MACROD2: variants seen among roughly 807,000 people sequenced by gnomAD.
MACROD2 encodes mono-ADP ribosylhydrolase 2, also known as ADP-ribose glycohydrolase MACROD2.
MACROD2 carries 36 observed loss-of-function variants against 70.4 expected under a neutral mutation model. That is an observed-to-expected ratio of 0.51 (90% CI 0.39 to 0.68). The LOEUF (loss-of-function observed/expected upper bound fraction) is 0.68, where lower values mean the gene tolerates loss of function less well. MACROD2 is among the 30% of genes least tolerant of loss of function. The probability of loss-of-function intolerance (pLI) is 0.00; values close to 1 mark genes in which losing one functional copy is unlikely to be tolerated. For synonymous variants in MACROD2, 172 were observed against 178.8 expected, an observed-to-expected ratio of 0.96 and a Z score of 0.30; for missense variants, 496 against 538.4, an observed-to-expected ratio of 0.92 and a Z score of 0.78.
At chr20:14,447,924 C>T (rs118108575) in intron 3 of MACROD2, among the ~76,000 whole-genome samples, 13 of 150,146 alleles carry the variant, frequency 8.7e-5, no homozygotes, top group African/African-American at 2.7e-4. Context: ...TCCATGTCAC[C>T]GGAGTTACAA....
intron 8 of MACROD2, among the ~76,000 whole-genome samples, chr20:15,537,862 T>C (rs942739787): frequency 5.3e-5 from 8 of 152,324 alleles, no homozygotes; most frequent in Admixed American, 2.0e-4. Context: ...CCCAGTCATA[T>C]GCTTTCAAGG....
intron 3 of MACROD2, among the ~76,000 whole-genome samples, chr20:14,464,998 G>A (rs953732935): frequency 1.3e-5 from 2 of 152,056 alleles, no homozygotes; most frequent in African/African-American, 4.8e-5. Context: ...GTGCTGAAAA[G>A]AATGTATATT....
chr20:15,525,494 C>T (rs529827482), intron 8 of MACROD2, among the ~76,000 whole-genome samples: 1 of 152,322 alleles, frequency 6.6e-6, no homozygotes, highest in East Asian at 1.9e-4. Flanking sequence ...CATGTGTTGG[C>T]TTATAACGTG....
intron 13 of MACROD2, among the ~76,000 whole-genome samples, chr20:15,982,230 C>A (rs1275024884): frequency 2.0e-5 from 3 of 152,120 alleles, no homozygotes; most frequent in Non-Finnish European, 2.9e-5. Flanking sequence ...TCCTGGATTA[C>A]ATACTTTGTG....
At position 15,986,798 on chromosome 20, in the gene MACROD2, GA is replaced by G; in HGVS notation, c.1059del (p.Glu354AsnfsTer10). The G allele has an allele frequency of 1.9e-6, 3 of 1,611,226 alleles. No individual in the cohort carries two copies. On this transcript the variant is annotated frameshift_variant and splice_region_variant, in exon 14 of 18. Transcript: ENST00000684519. LOFTEE classifies it high-confidence loss of function. Reference protein sequence around the residue: ...TESQSSYMETEELSSNQEDAV... With the variant: ...TESQSSYMETXELSSNQEDAV... ...ATCGCAGAGCTCATATATGGAAACA[GA>G]AGGTACTGAAACCAAAATATATTGT...
chr20:15,606,381 G>A (rs2048893111), intron 8 of MACROD2, among the ~76,000 whole-genome samples: 1 of 152,018 alleles, frequency 6.6e-6, no homozygotes, highest in Admixed American at 6.6e-5. Context: ...GCCTCCACCT[G>A]GGATGCTGTT....
intron 4 of MACROD2, among the ~76,000 whole-genome samples, chr20:14,518,130 T>C (rs547840758): frequency 1.8e-5 from 2 of 108,458 alleles, no homozygotes; most frequent in South Asian, 2.6e-4. Flanking sequence ...AATAAAGATA[T>C]TATACCTCCA....
At chr20:15,175,117 T>C (rs576152296) in intron 5 of MACROD2, among the ~76,000 whole-genome samples, 1 of 152,102 alleles carries the variant, frequency 6.6e-6, no homozygotes, top group Non-Finnish European at 1.5e-5. Context: ...GATGAGTTCA[T>C]GTCCTTTGTA....
intron 5 of MACROD2, among the ~76,000 whole-genome samples, chr20:15,084,348 G>A (rs1202970499): frequency 6.6e-6 from 1 of 151,980 alleles, no homozygotes; most frequent in Non-Finnish European, 1.5e-5. Flanking sequence ...GATTACAGAC[G>A]TGAGCCACCA....
rs547184358 is a variant in MACROD2, at chr20:14,255,431, G to A, written c.271+169703G>A. Among the ~76,000 whole-genome samples the A allele has an allele frequency of 5.3e-5, 8 of 151,846 alleles. No homozygotes were observed. In the South Asian group the frequency reaches 1.5e-3, roughly 28 times the overall value. On this transcript the variant is annotated intron_variant, in intron 3 of 17. Coordinates refer to ENST00000684519, the MANE Select transcript of MACROD2 (RefSeq NM_001351661.2). Reference sequence around the variant, plus strand: ...CCATCATTCTCAGCAAACTATCGCAGGGACAAAAAAACCAAACACCGCATG... The same window carrying A: ...CCATCATTCTCAGCAAACTATCGCAAGGACAAAAAAACCAAACACCGCATG...
At chr20:15,464,819 T>A (rs1334845205) in intron 7 of MACROD2, among the ~76,000 whole-genome samples, 1 of 152,232 alleles carries the variant, frequency 6.6e-6, no homozygotes, top group Non-Finnish European at 1.5e-5. Flanking sequence ...CTGAAAAGTC[T>A]ATTTTTTGCT....
chr20:14,022,366 A>G (rs1194566277), intron 2 of MACROD2, among the ~76,000 whole-genome samples: 1 of 152,178 alleles, frequency 6.6e-6, no homozygotes, highest in African/African-American at 2.4e-5. Context: ...TCATCTTTGA[A>G]CATACGTTGA....
At chr20:14,829,867 G>A (rs1490428866) in intron 5 of MACROD2, among the ~76,000 whole-genome samples, 1 of 152,066 alleles carries the variant, frequency 6.6e-6, no homozygotes, top group African/African-American at 2.4e-5. Flanking sequence ...ATTTCAAAAT[G>A]TGCTTTTTAT....
chr20:14,943,579 T>C (rs1425984865), intron 5 of MACROD2, among the ~76,000 whole-genome samples: 2 of 152,180 alleles, frequency 1.3e-5, no homozygotes, highest in Non-Finnish European at 2.9e-5. Context: ...TTTTAATTTC[T>C]GCTTTTTACA....
At chr20:14,346,853 G>A (rs1601514586) in intron 3 of MACROD2, among the ~76,000 whole-genome samples, 1 of 152,278 alleles carries the variant, frequency 6.6e-6, no homozygotes, top group East Asian at 1.9e-4. Flanking sequence ...ATAGCAAGGT[G>A]TGCCTCATAA....
At chr20:15,432,082 T>C (rs1264097134) in intron 7 of MACROD2, among the ~76,000 whole-genome samples, 1 of 152,018 alleles carries the variant, frequency 6.6e-6, no homozygotes, top group African/African-American at 2.4e-5. Flanking sequence ...TTCAGACCAT[T>C]AATAAGTCTG....
At chr20:14,593,132 G>A (rs59925850) in intron 4 of MACROD2, among the ~76,000 whole-genome samples, 16,687 of 147,238 alleles carry the variant, frequency 0.11, 1,309 homozygotes, top group South Asian at 0.35. Context: ...ATATACAAAT[G>A]ATATCCTTCA....
intron 2 of MACROD2, among the ~76,000 whole-genome samples, chr20:14,070,907 T>A (rs1427854732): frequency 6.6e-6 from 1 of 152,164 alleles, no homozygotes; most frequent in Non-Finnish European, 1.5e-5. Context: ...GACCTACTGA[T>A]GGTCTTCCAG....
At chr20:15,155,319 C>A (rs577771626) in intron 5 of MACROD2, among the ~76,000 whole-genome samples, 2 of 152,112 alleles carry the variant, frequency 1.3e-5, no homozygotes, top group Admixed American at 6.5e-5. Context: ...GCAGTTTGCT[C>A]TCATCTGGCC....
Sources: allele counts gnomAD v4.1 joint callset (sites outside exome capture counted in the v4.1 genomes callset), GRCh38; gene constraint gnomAD v4.1.1; transcripts MANE v1.5; gene names NCBI Gene and HGNC (gene_info 2026-07-23, HGNC 2026-07-21).